The following TMEM114 variants were observed in gnomAD, a reference collection of about 807,000 sequenced individuals.
The protein encoded by TMEM114 is transmembrane protein 114, also known as claudin-26.
Under a neutral mutation model 6.2 loss-of-function variants are expected in TMEM114, and 6 were observed. The ratio of observed to expected loss-of-function variants is 0.97; its 90% CI spans 0.53 to 1.91. The LOEUF is 1.91. Among genes scored for constraint, TMEM114 ranks in the 40% most tolerant of loss-of-function variants. The probability of loss-of-function intolerance (pLI) is 0.01; values close to 1 mark genes in which losing one functional copy is unlikely to be tolerated. For missense variants in TMEM114, 218 were observed against 158.3 expected (o/e 1.38, Z -2.02); for synonymous variants, 104 against 73.0 (o/e 1.42, Z -2.16).
intron 2 of TMEM114, among the ~76,000 whole-genome samples, chr16:8,540,271 T>C (rs1900477644): frequency 6.6e-6 from 1 of 152,066 alleles, no homozygotes; most frequent in South Asian, 2.1e-4. Flanking sequence ...CATAAAATAG[T>C]TTATAGGAGG....
chr16:8,576,026 G>A (rs1901913636), intron 2 of TMEM114, among the ~76,000 whole-genome samples: 1 of 152,104 alleles, frequency 6.6e-6, no homozygotes, highest in Admixed American at 6.5e-5. Flanking sequence ...GCGGTGTTCT[G>A]CTGGATATAA....
intron 2 of TMEM114, among the ~76,000 whole-genome samples, chr16:8,587,416 G>A (rs1046977954): frequency 1.2e-4 from 18 of 152,316 alleles, no homozygotes; most frequent in Middle Eastern, 3.4e-3. Context: ...GAGGGAGTCA[G>A]ATTTAAACCC....
downstream of TMEM114, among the ~76,000 whole-genome samples, chr16:8,535,999 G>A (rs895538967): frequency 1.3e-5 from 2 of 152,176 alleles, no homozygotes; most frequent in East Asian, 3.9e-4. Flanking sequence ...GTCGAGGCGG[G>A]CAGATCACCT....
chr16:8,530,293 T>C, the TMEM114 span, among the ~76,000 whole-genome samples: 1 of 152,014 alleles, frequency 6.6e-6, no homozygotes, highest in Non-Finnish European at 1.5e-5. Context: ...ATTGAGGGGG[T>C]GAGTATTGCG....
At position 8,582,256 on chromosome 16, in the gene TMEM114, A is replaced by G. The variant is rs191001994; in HGVS notation, c.301+6957T>C. Among the ~76,000 whole-genome samples the G allele has an allele frequency of 3.3e-5, 5 of 151,442 alleles. No individual in the cohort carries two copies. In the South Asian group the frequency reaches 8.4e-4, roughly 25 times the overall value. On this transcript the variant is annotated intron_variant, in intron 2 of 3. Transcript: ENST00000620492. ...TCATCTGACCAGCCTGGCCTCTCTTATGGGCTCTTAGGAGACACAGCTGAG... is the reference window on the plus strand; with the variant it reads ...TCATCTGACCAGCCTGGCCTCTCTTGTGGGCTCTTAGGAGACACAGCTGAG...
chr16:8,551,117 G>C (rs536524923), intron 2 of TMEM114, among the ~76,000 whole-genome samples: 1 of 152,304 alleles, frequency 6.6e-6, no homozygotes, highest in South Asian at 2.1e-4. Flanking sequence ...GCGGTCTCTG[G>C]CACTGGAGGA....
intron 2 of TMEM114, among the ~76,000 whole-genome samples, chr16:8,584,868 G>T (rs1902265008): frequency 6.8e-6 from 1 of 146,578 alleles, no homozygotes; most frequent in African/African-American, 2.5e-5. Context: ...GTTGCAGTGA[G>T]CCGAGATCGC....
At chr16:8,562,682 G>GAATT (rs1901299656) in intron 2 of TMEM114, among the ~76,000 whole-genome samples, 1 of 149,190 alleles carries the variant, frequency 6.7e-6, no homozygotes, top group African/African-American at 2.6e-5. Flanking sequence ...GGGAATGAGT[G>GAATT]AGTGAGGGAA....
In TMEM114 at chr16:8,589,601, C is replaced by G; in HGVS notation, c.220+18G>C. 2 of 398,522 alleles carry G rather than the reference C, an allele frequency of 5.0e-6. No homozygotes were observed. The highest frequency in any genetic ancestry group is 4.4e-6 in the Non-Finnish European group (1 of 226,002). 24.7% of individuals were successfully genotyped at this position (398,522 alleles called of 1,614,324 possible). ...GGCGTTCGCAGCCACAGCTCCCAGCCACGGGGTGCACCCTTACCCCGGCAG... is the reference window on the plus strand; with the variant it reads ...GGCGTTCGCAGCCACAGCTCCCAGCGACGGGGTGCACCCTTACCCCGGCAG... On this transcript the variant is annotated intron_variant, in intron 1 of 3. Transcript: ENST00000620492.
intron 2 of TMEM114, among the ~76,000 whole-genome samples, chr16:8,573,227 G>A (rs557199061): frequency 2.6e-5 from 4 of 152,272 alleles, no homozygotes; most frequent in Admixed American, 1.3e-4. Context: ...TGAAGACCAC[G>A]TGATGTGTGT....
At chr16:8,545,062 T>C (rs1172282284) in intron 2 of TMEM114, among the ~76,000 whole-genome samples, 1 of 152,180 alleles carries the variant, frequency 6.6e-6, no homozygotes. Context: ...GATGGTCTTG[T>C]CTTTTGTTTC....
At chr16:8,533,486 T>G (rs879392506), downstream of TMEM114, among the ~76,000 whole-genome samples, 1 of 152,202 alleles carries the variant, frequency 6.6e-6, no homozygotes, top group South Asian at 2.1e-4. Context: ...GTCGGAGCCT[T>G]TGATACATGG....
intron 2 of TMEM114, among the ~76,000 whole-genome samples, chr16:8,557,707 C>G (rs1228948558): frequency 1.3e-5 from 2 of 152,224 alleles, no homozygotes; most frequent in South Asian, 2.1e-4. Flanking sequence ...TTTCCTGCCT[C>G]TGAGCCTCAA....
intron 2 of TMEM114, among the ~76,000 whole-genome samples, chr16:8,552,473 A>G (rs2141660161): frequency 6.6e-6 from 1 of 151,858 alleles, no homozygotes; most frequent in East Asian, 1.9e-4. Context: ...TGTGCTGTGC[A>G]AAAATCTATA....
At chr16:8,581,700 C>T (rs1902155309) in intron 2 of TMEM114, among the ~76,000 whole-genome samples, 2 of 152,376 alleles carry the variant, frequency 1.3e-5, no homozygotes, top group South Asian at 4.1e-4. Context: ...GTGATCCGCC[C>T]ACCTTGGCCT....
At chr16:8,562,490 A>AGTG (rs1901279649) in intron 2 of TMEM114, among the ~76,000 whole-genome samples, 1 of 35,840 alleles carries the variant, frequency 2.8e-5, no homozygotes, top group Non-Finnish European at 5.5e-5. Context: ...GTGAATGAGT[A>AGTG]TGTGAATGAG....
At chr16:8,561,056 G>T (rs542421796) in intron 2 of TMEM114, among the ~76,000 whole-genome samples, 5 of 152,156 alleles carry the variant, frequency 3.3e-5, no homozygotes, top group South Asian at 2.1e-4. Flanking sequence ...TCGCTACCAC[G>T]AGAACAGTAT....
At chr16:8,540,308 G>C (rs941663486) in intron 2 of TMEM114, among the ~76,000 whole-genome samples, 1 of 152,102 alleles carries the variant, frequency 6.6e-6, no homozygotes, top group East Asian at 1.9e-4. Context: ...ATAGAGGTAG[G>C]AGCTCTGGAG....
chr16:8,557,228 G>A (rs913340549), intron 2 of TMEM114, among the ~76,000 whole-genome samples: 6 of 152,118 alleles, frequency 3.9e-5, no homozygotes, highest in African/African-American at 1.4e-4. Context: ...GATGCTATAT[G>A]ACTTCTGAGA....
Sources: allele counts gnomAD v4.1 joint callset (sites outside exome capture counted in the v4.1 genomes callset), GRCh38; gene constraint gnomAD v4.1.1; transcripts MANE v1.5; gene names NCBI Gene and HGNC (gene_info 2026-07-23, HGNC 2026-07-21).